The following TENM3 variants were observed in gnomAD, a reference collection of about 807,000 sequenced individuals.
TENM3 encodes teneurin transmembrane protein 3.
Under a neutral mutation model 255.1 loss-of-function variants are expected in TENM3, and 63 were observed. That is an observed-to-expected ratio of 0.25 (90% CI 0.20 to 0.30). The LOEUF (loss-of-function observed/expected upper bound fraction) is 0.30. Among genes scored for constraint, TENM3 ranks in the 10% least tolerant of loss-of-function variants. TENM3 has a pLI of 1.00. For missense variants in TENM3, 2,929 were observed against 3,461.1 expected (o/e 0.85, Z 3.86); for synonymous variants, 1,306 against 1,322.3 (o/e 0.99, Z 0.27).
intron 1 of TENM3, among the ~76,000 whole-genome samples, chr4:182,261,151 G>A (rs1235784152): frequency 6.6e-6 from 1 of 152,162 alleles, no homozygotes; most frequent in Non-Finnish European, 1.5e-5. Flanking sequence ...TGGAATTACA[G>A]GCGTGAGCCA....
intron 22 of TENM3, among the ~76,000 whole-genome samples, chr4:182,759,320 TAGA>T (rs1762957973): frequency 6.6e-6 from 1 of 152,246 alleles, no homozygotes; most frequent in Admixed American, 6.5e-5. Flanking sequence ...ATCAGAGATG[TAGA>T]CAGGTCAGTG....
At chr4:181,702,589 A>G in the TENM3 span, among the ~76,000 whole-genome samples, 1 of 152,216 alleles carries the variant, frequency 6.6e-6, no homozygotes, top group South Asian at 2.1e-4. Flanking sequence ...CTTATGTAAA[A>G]TATATTTTGC....
the TENM3 span, among the ~76,000 whole-genome samples, chr4:181,988,269 T>C: frequency 6.6e-6 from 1 of 152,120 alleles, no homozygotes; most frequent in African/African-American, 2.4e-5. Flanking sequence ...ATCATTATCA[T>C]AGCCTAGTTC....
chr4:182,544,297 T>C, intron 3 of TENM3, among the ~76,000 whole-genome samples: 1 of 150,162 alleles, frequency 6.7e-6, no homozygotes, highest in African/African-American at 2.4e-5. Context: ...GGCATTTTCC[T>C]AGCTCCCTCC....
the TENM3 span, chr4:181,906,173 A>G: frequency 3.9e-6 from 1 of 257,104 alleles, no homozygotes; most frequent in South Asian, 4.7e-5. Context: ...ATGTGATTCT[A>G]TTAAGAAGTT....
chr4:182,270,619 G>C (rs1282945554), intron 1 of TENM3, among the ~76,000 whole-genome samples: 1 of 152,146 alleles, frequency 6.6e-6, no homozygotes, highest in Admixed American at 6.5e-5. Context: ...TCTGTTGGAG[G>C]CTTAGGATTT....
At chr4:181,500,547 A>G in the TENM3 span, among the ~76,000 whole-genome samples, 1 of 152,194 alleles carries the variant, frequency 6.6e-6, no homozygotes, top group Non-Finnish European at 1.5e-5. Flanking sequence ...TGCTTACACT[A>G]TAAATTTCAG....
intron 16 of TENM3, among the ~76,000 whole-genome samples, chr4:182,732,767 G>A (rs1345678203): frequency 6.6e-6 from 1 of 152,152 alleles, no homozygotes; most frequent in Non-Finnish European, 1.5e-5. Context: ...GGTCAAGGCT[G>A]CATGAGCCAT....
At chr4:182,387,786 G>A (rs1768076819) in intron 3 of TENM3, among the ~76,000 whole-genome samples, 3 of 151,668 alleles carry the variant, frequency 2.0e-5, no homozygotes, top group Non-Finnish European at 2.9e-5. Context: ...GAACACATCC[G>A]AACATCAGAA....
At chr4:181,657,428 C>T in the TENM3 span, among the ~76,000 whole-genome samples, 1 of 152,130 alleles carries the variant, frequency 6.6e-6, no homozygotes, top group African/African-American at 2.4e-5. Context: ...TGCTCAGCAT[C>T]ACTAACCATC....
intron 1 of TENM3, among the ~76,000 whole-genome samples, chr4:182,190,597 T>G (rs1341438938): frequency 6.6e-6 from 1 of 152,188 alleles, no homozygotes; most frequent in Admixed American, 6.5e-5. Context: ...CAGTGGAAAT[T>G]TGAGAACCAC....
intron 12 of TENM3, among the ~76,000 whole-genome samples, chr4:182,703,886 T>C (rs1758079253): frequency 6.6e-6 from 1 of 152,216 alleles, no homozygotes; most frequent in Non-Finnish European, 1.5e-5. Flanking sequence ...ATTGCCCAGA[T>C]CTCTGGATGA....
chr4:182,646,017 G>A (rs1752714257), intron 5 of TENM3, among the ~76,000 whole-genome samples: 1 of 152,156 alleles, frequency 6.6e-6, no homozygotes, highest in Non-Finnish European at 1.5e-5. Context: ...CATGTGCAGG[G>A]TGGTTCTTGT....
chr4:181,553,266 TGTGTGTGTGTG>T, the TENM3 span, among the ~76,000 whole-genome samples: 1 of 106,808 alleles, frequency 9.4e-6, no homozygotes, highest in African/African-American at 3.6e-5. Flanking sequence ...ATTAAGTGTG[TGTGTGTGTGTG>T]TGTGTGTGTG....
the TENM3 span, among the ~76,000 whole-genome samples, chr4:181,597,132 T>TA: frequency 6.6e-6 from 1 of 152,374 alleles, no homozygotes; most frequent in East Asian, 1.9e-4. Context: ...AACTTTTGTT[T>TA]AAATGTTATT....
the TENM3 span, among the ~76,000 whole-genome samples, chr4:181,759,709 T>C: frequency 5.0e-3 from 740 of 147,240 alleles, 2 homozygotes; most frequent in Non-Finnish European, 8.8e-3. Flanking sequence ...AGGATTTAAA[T>C]AATGCAATCA....
chr4:182,602,241 C>T (rs998925196), intron 4 of TENM3, among the ~76,000 whole-genome samples: 10 of 152,110 alleles, frequency 6.6e-5, no homozygotes, highest in African/African-American at 2.4e-4. Context: ...TCTTCTCTGC[C>T]CCAGGGTTTC....
chr4:182,189,460 A>G (rs377658998), intron 1 of TENM3, among the ~76,000 whole-genome samples: 1 of 152,304 alleles, frequency 6.6e-6, no homozygotes, highest in Middle Eastern at 3.4e-3. Flanking sequence ...ATGTATGCAC[A>G]TAAGAAAGTC....
chr4:182,300,928 G>A (rs1034754295), intron 1 of TENM3, among the ~76,000 whole-genome samples: 1 of 152,088 alleles, frequency 6.6e-6, no homozygotes, highest in Non-Finnish European at 1.5e-5. Flanking sequence ...ACCTCTCTTA[G>A]CCTGGCATTT....
Sources: allele counts gnomAD v4.1 joint callset (sites outside exome capture counted in the v4.1 genomes callset), GRCh38; gene constraint gnomAD v4.1.1; transcripts MANE v1.5; gene names NCBI Gene and HGNC (gene_info 2026-07-23, HGNC 2026-07-21).